SHANK2: variants seen among roughly 807,000 people sequenced by gnomAD.
SHANK2 encodes the protein SH3 and multiple ankyrin repeat domains protein 2.
In SHANK2, 43 loss-of-function variants were observed where a neutral mutation model predicts 133.7. The observed-to-expected ratio is 0.32, with a 90% CI of 0.25 to 0.41. SHANK2 has a LOEUF of 0.41. Among genes scored for constraint, SHANK2 ranks in the 10% least tolerant of loss-of-function variants. The pLI is 1.00. For missense variants in SHANK2, 1,994 were observed against 2,235.8 expected, an observed-to-expected ratio of 0.89 and a Z score of 2.18; for synonymous variants, 1,017 against 952.8, an observed-to-expected ratio of 1.07 and a Z score of -1.24.
intron 2 of SHANK2, among the ~76,000 whole-genome samples, chr11:71,203,614 A>C (rs1457245080): frequency 1.3e-5 from 2 of 152,140 alleles, no homozygotes; most frequent in African/African-American, 2.4e-5. Flanking sequence ...AAAAGAAAAG[A>C]AAGAAAGACG....
intron 15 of SHANK2, among the ~76,000 whole-genome samples, chr11:70,677,011 C>G (rs1187970393): frequency 3.9e-5 from 6 of 152,196 alleles, no homozygotes; most frequent in African/African-American, 1.4e-4. Context: ...TGGCTAATCC[C>G]ACGTATACAG....
chr11:70,933,240 T>C (rs1555082831), intron 10 of SHANK2: 3 of 456,150 alleles, frequency 6.6e-6, no homozygotes, highest in East Asian at 6.9e-5. Flanking sequence ...TTGAGGACAC[T>C]GTACTGAGTG....
chr11:70,662,014 G>A, intron 15 of SHANK2: 1 of 569,248 alleles, frequency 1.8e-6, no homozygotes, highest in Non-Finnish European at 3.1e-6. Context: ...ACGCCGCCCA[G>A]GGCAAAGAAA....
intron 11 of SHANK2, among the ~76,000 whole-genome samples, chr11:70,845,902 C>G (rs994965165): frequency 2.6e-5 from 4 of 152,154 alleles, no homozygotes; most frequent in African/African-American, 9.7e-5. Flanking sequence ...AATGAAACAA[C>G]AAGCAACGCA....
chr11:70,949,855 C>T (rs1950807065), intron 10 of SHANK2, among the ~76,000 whole-genome samples: 1 of 152,228 alleles, frequency 6.6e-6, no homozygotes, highest in Admixed American at 6.5e-5. Context: ...TCCACCTGCG[C>T]GTCTTAGTGA....
intron 11 of SHANK2, among the ~76,000 whole-genome samples, chr11:70,853,209 C>T (rs1555066122): frequency 6.6e-6 from 1 of 152,236 alleles, no homozygotes; most frequent in African/African-American, 2.4e-5. Context: ...TCCGTGAGCT[C>T]TGGAAACAGA....
intron 2 of SHANK2, among the ~76,000 whole-genome samples, chr11:71,172,096 G>A (rs1213554299): frequency 6.6e-6 from 1 of 152,150 alleles, no homozygotes; most frequent in Non-Finnish European, 1.5e-5. Flanking sequence ...AGCCCCATCC[G>A]TGGCACACTG....
intron 14 of SHANK2, among the ~76,000 whole-genome samples, chr11:70,794,656 C>G (rs535468974): frequency 1.3e-5 from 2 of 152,320 alleles, no homozygotes; most frequent in South Asian, 4.2e-4. Flanking sequence ...CTCCCAGGTT[C>G]AAGTGATTCT....
intron 17 of SHANK2, among the ~76,000 whole-genome samples, chr11:70,567,337 C>T (rs2059980395): frequency 6.6e-6 from 1 of 152,004 alleles, no homozygotes. Flanking sequence ...CTTATAAGAG[C>T]TGGAGATGAG....
intron 17 of SHANK2, among the ~76,000 whole-genome samples, chr11:70,516,072 C>G (rs2135904515): frequency 6.6e-6 from 1 of 152,248 alleles, no homozygotes; most frequent in Admixed American, 6.5e-5. Context: ...TTCAGAGTAG[C>G]TCCTAAAAGA....
At chr11:70,791,854 T>G (rs1947792834) in intron 14 of SHANK2, among the ~76,000 whole-genome samples, 1 of 152,204 alleles carries the variant, frequency 6.6e-6, no homozygotes. Context: ...GGGATGCTCA[T>G]GTGTACAATG....
At chr11:70,903,391 T>TAAATAAAATA (rs61298155) in intron 10 of SHANK2, among the ~76,000 whole-genome samples, 7,507 of 125,798 alleles carry the variant, frequency 0.06, 350 homozygotes, top group Middle Eastern at 0.12. Context: ...TAAAATAAAG[T>TAAATAAAATA]AAATAAAATA....
Position 70,671,279 on chromosome 11 carries a change from G to A in SHANK2, c.1854-9601C>T, listed in dbSNP as rs1175265219. Reference sequence around the variant, plus strand: ...CGAGACGAACGGAAACGTCGTCTAGGAGGGAGAATGCTAGGAGGGAGAATG... The same window carrying A: ...CGAGACGAACGGAAACGTCGTCTAGAAGGGAGAATGCTAGGAGGGAGAATG... On this transcript the variant is annotated intron_variant, in intron 15 of 25. Coordinates refer to ENST00000601538, the MANE Select transcript of SHANK2 (RefSeq NM_012309.5). Among the ~76,000 whole-genome samples, 3 of 152,214 alleles carry A rather than the reference G, an allele frequency of 2.0e-5. No individual in the cohort carries two copies. In the South Asian group the frequency reaches 6.2e-4, roughly 32 times the overall value.
intron 12 of SHANK2, among the ~76,000 whole-genome samples, chr11:70,817,725 G>A (rs531621254): frequency 1.3e-5 from 2 of 152,306 alleles, no homozygotes; most frequent in South Asian, 4.1e-4. Context: ...AGAAAAACCT[G>A]AAGTTGGTCT....
At chr11:70,813,350 C>A (rs528063929) in intron 12 of SHANK2, among the ~76,000 whole-genome samples, 1 of 152,196 alleles carries the variant, frequency 6.6e-6, no homozygotes, top group Admixed American at 6.5e-5. Flanking sequence ...GGATGCCACA[C>A]GGCGCAGTGG....
chr11:71,177,012 A>C (rs7941128), intron 2 of SHANK2, among the ~76,000 whole-genome samples: 53,352 of 152,076 alleles, frequency 0.35, 11,103 homozygotes, highest in Admixed American at 0.54. Flanking sequence ...CTTAAGAATG[A>C]CAGCAGATTT....
At chr11:70,491,346 C>A (rs1013641641) in intron 22 of SHANK2, among the ~76,000 whole-genome samples, 1 of 152,084 alleles carries the variant, frequency 6.6e-6, no homozygotes, top group Admixed American at 6.5e-5. Context: ...GTCTCAGACA[C>A]CCCCCCAACT....
intron 10 of SHANK2, among the ~76,000 whole-genome samples, chr11:70,954,719 T>C (rs111773760): frequency 0.012 from 1,894 of 152,374 alleles, 36 homozygotes; most frequent in African/African-American, 0.043. Flanking sequence ...CTGCCATCAC[T>C]GGCTTAGCCT....
intron 10 of SHANK2, among the ~76,000 whole-genome samples, chr11:70,924,983 G>C (rs1950407314): frequency 1.3e-5 from 2 of 152,114 alleles, no homozygotes; most frequent in African/African-American, 4.8e-5. Context: ...CTCACAGGGG[G>C]GCAGATTGAG....
Sources: allele counts gnomAD v4.1 joint callset (sites outside exome capture counted in the v4.1 genomes callset), GRCh38; gene constraint gnomAD v4.1.1; transcripts MANE v1.5; gene names NCBI Gene and HGNC (gene_info 2026-07-23, HGNC 2026-07-21).